DOCK2: variants seen among roughly 807,000 people sequenced by gnomAD.
DOCK2 encodes the protein dedicator of cytokinesis protein 2.
DOCK2 carries 87 observed loss-of-function variants against 248.9 expected under a neutral mutation model. The observed-to-expected ratio is 0.35, with a 90% CI of 0.29 to 0.42. The LOEUF is 0.42. Among genes scored for constraint, DOCK2 ranks in the 10% least tolerant of loss-of-function variants. The pLI is 1.00. For synonymous variants in DOCK2, 805 were observed against 821.6 expected, an observed-to-expected ratio of 0.98 and a Z score of 0.35; for missense variants, 1,747 against 2,300.2, an observed-to-expected ratio of 0.76 and a Z score of 4.92.
In DOCK2 at chr5:170,047,634, G is replaced by A. The variant is rs768679334; in HGVS notation, c.4071+20G>A. On this transcript the variant is annotated intron_variant, in intron 40 of 51. Transcript: ENST00000520908. ...CTGCGGGTGAGTTTGGGGGTGACTT[G>A]GACACCAGGCGAGAGCCCCAGGGCC... The A allele has an allele frequency of 6.2e-7, 1 of 1,609,710 alleles. No homozygotes were observed.
intron 2 of DOCK2, among the ~76,000 whole-genome samples, chr5:169,668,329 A>C (rs1224906562): frequency 6.6e-6 from 1 of 151,450 alleles, no homozygotes; most frequent in Non-Finnish European, 1.5e-5. Flanking sequence ...ACTTTCTGTC[A>C]CTCAAAAAGA....
intron 26 of DOCK2, among the ~76,000 whole-genome samples, chr5:169,826,847 G>C (rs917701972): frequency 6.6e-6 from 1 of 152,042 alleles, no homozygotes; most frequent in African/African-American, 2.4e-5. Context: ...ATTGGGTGAC[G>C]ACTTTTTTTC....
chr5:169,704,881 G>A (rs1286068919), intron 14 of DOCK2, among the ~76,000 whole-genome samples: 3 of 151,986 alleles, frequency 2.0e-5, no homozygotes, highest in Non-Finnish European at 4.4e-5. Flanking sequence ...TAAACATGCT[G>A]CTGGGCACAG....
At chr5:169,809,125 A>G (rs1767584178) in intron 26 of DOCK2, among the ~76,000 whole-genome samples, 1 of 151,960 alleles carries the variant, frequency 6.6e-6, no homozygotes, top group Non-Finnish European at 1.5e-5. Flanking sequence ...TGAGTAGCTG[A>G]GATTACAGGT....
At chr5:169,702,468 TGGG>T in intron 14 of DOCK2, 41 bp downstream of exon 14, 1 of 1,608,470 alleles carries the variant, frequency 6.2e-7, no homozygotes, top group Non-Finnish European at 8.5e-7. Context: ...GGGTCCGCCT[TGGG>T]GGCCTCTGCT....
chr5:169,961,198 C>A (rs921420121), intron 27 of DOCK2, among the ~76,000 whole-genome samples: 2 of 152,158 alleles, frequency 1.3e-5, no homozygotes, highest in African/African-American at 4.8e-5. Flanking sequence ...AAATGGGTAG[C>A]CCCCCAAGGG....
intron 27 of DOCK2, among the ~76,000 whole-genome samples, chr5:169,867,330 A>G (rs564693494): frequency 6.6e-6 from 1 of 152,182 alleles, no homozygotes; most frequent in African/African-American, 2.4e-5. Flanking sequence ...CCTGAGGCCT[A>G]ACTCACCCAA....
chr5:170,082,078 A>G lies in DOCK2; in HGVS notation c.5430+94A>G, dbSNP rs1042006691. 9.0e-5 allele frequency: 136 copies of G among 1,515,842 alleles called. No homozygotes were observed. In the Middle Eastern group the frequency reaches 2.6e-3, roughly 29 times the overall value. The allele number at this position is 1,515,842 out of a possible 1,614,324, so 93.9% of individuals were successfully genotyped here. On this transcript the variant is annotated intron_variant, in intron 51 of 51. Transcript: ENST00000520908. ...GAAGAAAATGGGGGGTTGTGTGTGCATATGTGGTCATTCCTAGGGAGGCAT... is the reference window on the plus strand; with the variant it reads ...GAAGAAAATGGGGGGTTGTGTGTGCGTATGTGGTCATTCCTAGGGAGGCAT...
At chr5:170,046,193 CTG>C (rs1415260688) in intron 39 of DOCK2, among the ~76,000 whole-genome samples, 1 of 152,226 alleles carries the variant, frequency 6.6e-6, no homozygotes, top group Non-Finnish European at 1.5e-5. Context: ...CCAATAAACG[CTG>C]TGTTACATTT....
chr5:169,855,799 A>T (rs187422891), intron 27 of DOCK2, among the ~76,000 whole-genome samples: 2 of 152,366 alleles, frequency 1.3e-5, no homozygotes, highest in East Asian at 3.9e-4. Flanking sequence ...AGGGGAAGGT[A>T]ATGAGAAAGA....
At chr5:170,057,795 A>G in intron 44 of DOCK2, 129 bp downstream of exon 44, 1 of 772,504 alleles carries the variant, frequency 1.3e-6, no homozygotes, top group Admixed American at 3.4e-5. Context: ...GAGTCCCAGA[A>G]TTCCCATGCA....
chr5:169,940,116 T>A (rs114847179), intron 27 of DOCK2, among the ~76,000 whole-genome samples: 6,561 of 152,272 alleles, frequency 0.043, 175 homozygotes, highest in Non-Finnish European at 0.062. Context: ...CATGGTCCCC[T>A]CCGTCTATTG....
At position 169,810,983 on chromosome 5, in the gene DOCK2, TCTCTCTCACACA is replaced by T. The variant is rs1200308785; in HGVS notation, c.2703+7779_2703+7790del. On this transcript the variant is annotated intron_variant, in intron 26 of 51. Transcript: ENST00000520908. ...CACACACACACAGACTCTCTCTCTC[TCTCTCTCACACA>T]CACACACACACACACACACACACAC... Among the ~76,000 whole-genome samples the T allele has an allele frequency of 8.4e-3, 714 of 84,960 alleles. 18 individuals carry two copies. The East Asian group carries it at 0.088, about 10-fold the overall frequency. 55.7% of individuals were successfully genotyped at this position (84,960 alleles called of 152,430 possible). A position where few individuals can be genotyped will look rare whatever the true frequency, so the allele number is the denominator to read the frequency against.
chr5:169,835,595 C>T lies in DOCK2; in HGVS notation c.2704-5162C>T, dbSNP rs143190124. ...TATGGTGGACAGTTAATAGACAATG[C>T]CAAAAGTGAAAAGAAATGTTTAAAA... On this transcript the variant is annotated intron_variant, in intron 26 of 51. Transcript: ENST00000520908. Among the ~76,000 whole-genome samples, 51 of 151,826 alleles carry T rather than the reference C, an allele frequency of 3.4e-4. No homozygotes were observed. The East Asian group carries it at 7.8e-3, about 23-fold the overall frequency.
At chr5:169,688,730 A>G (rs1414280039) in intron 8 of DOCK2, among the ~76,000 whole-genome samples, 1 of 152,210 alleles carries the variant, frequency 6.6e-6, no homozygotes, top group African/African-American at 2.4e-5. Flanking sequence ...CAGTTATTTA[A>G]TTGTATCTTA....
At chr5:169,733,625 TTAAGAAATTCTGTTGG>T (rs1262897928) in intron 22 of DOCK2, among the ~76,000 whole-genome samples, 1 of 152,130 alleles carries the variant, frequency 6.6e-6, no homozygotes, top group African/African-American at 2.4e-5. Context: ...AGACTTAACT[TTAAGAAATTCTGTTGG>T]TAAAATCCCT....
chr5:169,648,047 T>G (rs555352604), intron 1 of DOCK2, among the ~76,000 whole-genome samples: 1 of 152,144 alleles, frequency 6.6e-6, no homozygotes, highest in Admixed American at 6.6e-5. Context: ...CTGTAGTGTG[T>G]GTGTGCATGT....
intron 27 of DOCK2, among the ~76,000 whole-genome samples, chr5:169,845,980 A>AGG (rs778648918): frequency 6.6e-6 from 1 of 152,242 alleles, no homozygotes; most frequent in Non-Finnish European, 1.5e-5. Context: ...GTAGTTACTC[A>AGG]GGGGTCAAGG....
intron 14 of DOCK2, among the ~76,000 whole-genome samples, chr5:169,705,275 C>T (rs904615207): frequency 1.1e-4 from 16 of 152,186 alleles, no homozygotes; most frequent in African/African-American, 3.9e-4. Context: ...GGGTGAAGCC[C>T]TCTGAGGGAC....
Sources: gnomAD v4.1 joint callset for allele counts (sites outside exome capture counted in the v4.1 genomes callset) on GRCh38, gnomAD v4.1.1 for gene constraint, MANE v1.5 for transcripts, NCBI Gene and HGNC (gene_info 2026-07-23, HGNC 2026-07-21) for gene names.